The following MAP4K3 variants were observed in gnomAD, a reference collection of about 807,000 sequenced individuals.
The protein encoded by MAP4K3 is mitogen-activated protein kinase kinase kinase kinase 3, also known as MAPK/ERK kinase kinase kinase 3.
MAP4K3 carries 94 observed loss-of-function variants against 143.5 expected under a neutral mutation model. The ratio of observed to expected loss-of-function variants is 0.65; its 90% CI spans 0.55 to 0.78. MAP4K3 has a LOEUF of 0.78. Among genes scored for constraint, MAP4K3 ranks in the 30% least tolerant of loss-of-function variants. MAP4K3 has a pLI of 0.00. For missense variants in MAP4K3, 1,077 were observed against 1,068.1 expected (o/e 1.01, Z -0.12); for synonymous variants, 416 against 347.2 (o/e 1.20, Z -2.20).
chr2:39,403,078 AC>A (rs1487367372), intron 1 of MAP4K3, among the ~76,000 whole-genome samples: 1 of 152,196 alleles, frequency 6.6e-6, no homozygotes, highest in Non-Finnish European at 1.5e-5. Context: ...AAGCCTCCAA[AC>A]CCAGATGGCT....
At chr2:39,365,051 C>T (rs544996838) in intron 2 of MAP4K3, among the ~76,000 whole-genome samples, 17 of 152,190 alleles carry the variant, frequency 1.1e-4, no homozygotes, top group African/African-American at 3.6e-4. Context: ...ATACAGATTT[C>T]CCCCACAAGA....
rs144551834 is a variant in MAP4K3 at position 39,280,640 on chromosome 2, C to T, written c.1630-284G>A. ...CAACTAAACAAAGCAATAATAGGAACCAATTCTGCATAATAATGTATCTTA... is the reference window on the plus strand; with the variant it reads ...CAACTAAACAAAGCAATAATAGGAATCAATTCTGCATAATAATGTATCTTA... On this transcript the variant is annotated intron_variant, in intron 22 of 33. Transcript: ENST00000263881. Among the ~76,000 whole-genome samples the T allele has an allele frequency of 3.3e-5, 5 of 151,974 alleles. No homozygotes were observed. In the East Asian group the frequency reaches 7.7e-4, roughly 23 times the overall value.
At chr2:39,267,881 G>A (rs1448248850) in intron 26 of MAP4K3, among the ~76,000 whole-genome samples, 3 of 152,056 alleles carry the variant, frequency 2.0e-5, no homozygotes, top group Non-Finnish European at 4.4e-5. Flanking sequence ...TGCCCCCACT[G>A]ATTCAACCTT....
At chr2:39,296,193 A>T (rs1434675336) in intron 16 of MAP4K3, among the ~76,000 whole-genome samples, 1 of 152,230 alleles carries the variant, frequency 6.6e-6, no homozygotes, top group East Asian at 1.9e-4. Flanking sequence ...TTTATTAATG[A>T]AATTACAGAA....
At chr2:39,282,635 C>T (rs568347928) in intron 21 of MAP4K3, 81 bp from the exon 22 acceptor site, 1 of 902,258 alleles carries the variant, frequency 1.1e-6, no homozygotes, top group East Asian at 2.5e-5. Context: ...CACATTTATT[C>T]AAATAAAATA....
At chr2:39,413,094 G>C (rs1458619618) in intron 1 of MAP4K3, among the ~76,000 whole-genome samples, 1 of 152,182 alleles carries the variant, frequency 6.6e-6, no homozygotes, top group African/African-American at 2.4e-5. Flanking sequence ...TCTTAGAAAT[G>C]AGCAGAAAGT....
At chr2:39,366,466 C>CGAAATTTCA (rs1334734237) in intron 2 of MAP4K3, among the ~76,000 whole-genome samples, 2 of 152,128 alleles carry the variant, frequency 1.3e-5, no homozygotes, top group Admixed American at 1.3e-4. Context: ...ATGTTTCAGA[C>CGAAATTTCA]GAAATTTCAG....
chr2:39,270,144 A>C (rs1680951574), intron 26 of MAP4K3, among the ~76,000 whole-genome samples: 1 of 152,214 alleles, frequency 6.6e-6, no homozygotes, highest in African/African-American at 2.4e-5. Context: ...CAGGAGGATT[A>C]ACTGCCAAGT....
chr2:39,343,364 A>C (rs980446248), intron 4 of MAP4K3, 24 bp downstream of exon 4: 3 of 1,569,872 alleles, frequency 1.9e-6, no homozygotes, highest in Non-Finnish European at 2.6e-6. Context: ...CCTAACCCCT[A>C]TAAAAATACA....
intron 24 of MAP4K3, among the ~76,000 whole-genome samples, chr2:39,273,598 T>C (rs182673342): frequency 1.3e-5 from 2 of 152,226 alleles, no homozygotes; most frequent in African/African-American, 2.4e-5. Flanking sequence ...AACACAGCCA[T>C]AATAATGGGA....
chr2:39,366,131 G>T (rs1665915817), intron 2 of MAP4K3, among the ~76,000 whole-genome samples: 1 of 152,124 alleles, frequency 6.6e-6, no homozygotes, highest in East Asian at 1.9e-4. Flanking sequence ...GAGTCCTCAG[G>T]AGACCTGAGA....
chr2:39,282,795 T>C (rs1009877452), intron 21 of MAP4K3, among the ~76,000 whole-genome samples: 3 of 152,222 alleles, frequency 2.0e-5, no homozygotes, highest in Admixed American at 2.0e-4. Flanking sequence ...TTAGATATAC[T>C]TATGTAATCA....
chr2:39,260,801 T>C (rs746702883), intron 28 of MAP4K3, 24 bp from the exon 29 acceptor site: 1 of 1,529,732 alleles, frequency 6.5e-7, no homozygotes, highest in Non-Finnish European at 9.0e-7. Context: ...CAAAAATACA[T>C]TAAACCAAGG....
chr2:39,381,353 G>A (rs1327010144), intron 1 of MAP4K3, among the ~76,000 whole-genome samples: 2 of 152,076 alleles, frequency 1.3e-5, no homozygotes, highest in African/African-American at 4.8e-5. Context: ...ATTGTTAATT[G>A]TAAGAGTTCT....
chr2:39,362,122 AG>A (rs1466485411), intron 2 of MAP4K3, among the ~76,000 whole-genome samples: 1 of 152,140 alleles, frequency 6.6e-6, no homozygotes, highest in Non-Finnish European at 1.5e-5. Context: ...ATAAACATGA[AG>A]GAACAGTTTT....
At chr2:39,305,075 T>C (rs540496459) in intron 15 of MAP4K3, among the ~76,000 whole-genome samples, 1 of 152,318 alleles carries the variant, frequency 6.6e-6, no homozygotes, top group African/African-American at 2.4e-5. Flanking sequence ...TGGGGAGTTA[T>C]TGTTTAATGA....
intron 1 of MAP4K3, among the ~76,000 whole-genome samples, chr2:39,418,304 A>G (rs1006252756): frequency 6.6e-6 from 1 of 152,196 alleles, no homozygotes; most frequent in Non-Finnish European, 1.5e-5. Context: ...GGGCAACAAA[A>G]TAAATCATGT....
chr2:39,425,947 TTG>T (rs1491136764), intron 1 of MAP4K3, among the ~76,000 whole-genome samples: 2 of 152,150 alleles, frequency 1.3e-5, no homozygotes, highest in Non-Finnish European at 2.9e-5. Context: ...AGAAATCAAC[TTG>T]GATATTAAAA....
intron 1 of MAP4K3, among the ~76,000 whole-genome samples, chr2:39,428,287 C>A (rs1176733735): frequency 6.6e-6 from 1 of 152,128 alleles, no homozygotes; most frequent in Non-Finnish European, 1.5e-5. Flanking sequence ...GTGTATTTTC[C>A]TTTAATAAGC....
Sources: allele counts gnomAD v4.1 joint callset (sites outside exome capture counted in the v4.1 genomes callset), GRCh38; gene constraint gnomAD v4.1.1; transcripts MANE v1.5; gene names NCBI Gene and HGNC (gene_info 2026-07-23, HGNC 2026-07-21).